KCNH8: variants seen among roughly 807,000 people sequenced by gnomAD.
KCNH8 encodes the protein voltage-gated delayed rectifier potassium channel KCNH8.
A neutral mutation model predicts 103.6 loss-of-function variants in KCNH8; 70 were observed. The observed-to-expected ratio is 0.68, with a 90% CI of 0.56 to 0.82. The LOEUF (loss-of-function observed/expected upper bound fraction) is 0.82. Among genes scored for constraint, KCNH8 ranks in the 40% least tolerant of loss-of-function variants. The pLI, the probability that KCNH8 is intolerant of heterozygous loss-of-function variation, is 0.00. For synonymous variants in KCNH8, 498 were observed against 489.4 expected, an observed-to-expected ratio of 1.02 and a Z score of -0.23; for missense variants, 1,217 against 1,329.9, an observed-to-expected ratio of 0.92 and a Z score of 1.32.
intron 7 of KCNH8, among the ~76,000 whole-genome samples, chr3:19,398,523 A>ATCTTTAAAGACTGTGCTAAGCTTT (rs2066559318): frequency 6.6e-6 from 1 of 151,972 alleles, no homozygotes; most frequent in African/African-American, 2.4e-5. Context: ...TAGATACCAG[A>ATCTTTAAAGACTGTGCTAAGCTTT]TCTTTAAAGA....
intron 10 of KCNH8, among the ~76,000 whole-genome samples, chr3:19,453,597 A>G (rs1364519374): frequency 6.6e-6 from 1 of 152,134 alleles, no homozygotes; most frequent in East Asian, 1.9e-4. Flanking sequence ...CTAATCCCCA[A>G]TATGATGGCA....
chr3:19,205,479 A>G (rs779125748), intron 1 of KCNH8, among the ~76,000 whole-genome samples: 6 of 152,082 alleles, frequency 3.9e-5, no homozygotes, highest in Non-Finnish European at 7.4e-5. Flanking sequence ...TTTATTGAAT[A>G]CTTATAAGCC....
intron 13 of KCNH8, among the ~76,000 whole-genome samples, chr3:19,513,528 A>T (rs1430966494): frequency 1.3e-5 from 2 of 152,116 alleles, no homozygotes. Flanking sequence ...ATGTTCTCAA[A>T]ATACTAAATG....
chr3:19,155,454 A>G (rs1052927044), intron 1 of KCNH8, among the ~76,000 whole-genome samples: 1 of 151,974 alleles, frequency 6.6e-6, no homozygotes, highest in Admixed American at 6.6e-5. Flanking sequence ...TTCAGTTTCC[A>G]TTGTTCCCAG....
chr3:19,178,346 C>T lies in KCNH8; in HGVS notation c.76+29551C>T, dbSNP rs188902117. ...CTTTCAGTCTCTTAATCTTTAGGTC[C>T]TAACTCAGTGCTGAAAACATAAGTT... On this transcript the variant is annotated intron_variant, in intron 1 of 15. Transcript: ENST00000328405. Among the ~76,000 whole-genome samples the T allele has an allele frequency of 5.7e-3, 868 of 152,078 alleles. 12 individuals carry two copies. Among genetic ancestry groups the T allele is most frequent in the African/African-American group, 0.019 (782 of 41,498 alleles).
chr3:19,390,891 A>G (rs868766631), intron 6 of KCNH8, among the ~76,000 whole-genome samples: 20 of 152,268 alleles, frequency 1.3e-4, no homozygotes, highest in African/African-American at 4.1e-4. Context: ...ATTTATCATA[A>G]ATACTGACCC....
At chr3:19,166,619 C>T (rs1363517851) in intron 1 of KCNH8, among the ~76,000 whole-genome samples, 1 of 152,068 alleles carries the variant, frequency 6.6e-6, no homozygotes, top group Non-Finnish European at 1.5e-5. Flanking sequence ...AAGTGAAGAA[C>T]TTTTCTAGTT....
At chr3:19,476,652 G>A (rs558307516) in intron 11 of KCNH8, among the ~76,000 whole-genome samples, 2 of 152,090 alleles carry the variant, frequency 1.3e-5, no homozygotes, top group African/African-American at 2.4e-5. Flanking sequence ...ATTGATTTGG[G>A]GCATAGCTTC....
intron 3 of KCNH8, among the ~76,000 whole-genome samples, chr3:19,334,976 C>A (rs957763933): frequency 6.6e-6 from 1 of 151,762 alleles, no homozygotes; most frequent in African/African-American, 2.4e-5. Context: ...GCTAATCAGG[C>A]ATTCTTTCTT....
chr3:19,499,538 C>A (rs1005299463), intron 11 of KCNH8, among the ~76,000 whole-genome samples: 1 of 152,106 alleles, frequency 6.6e-6, no homozygotes, highest in African/African-American at 2.4e-5. Context: ...GGCAGCCAGA[C>A]AGAAAGGTCG....
At chr3:19,386,515 A>T (rs1460006181) in intron 5 of KCNH8, among the ~76,000 whole-genome samples, 1 of 152,136 alleles carries the variant, frequency 6.6e-6, no homozygotes, top group Non-Finnish European at 1.5e-5. Context: ...ACATGGAGAC[A>T]TTAAGCTTTC....
chr3:19,315,011 C>T (rs2065255222), intron 3 of KCNH8: 1 of 152,570 alleles, frequency 6.6e-6, no homozygotes, highest in African/African-American at 2.4e-5. Context: ...TATCAGGTCA[C>T]AGGAACTTCT....
intron 5 of KCNH8, among the ~76,000 whole-genome samples, chr3:19,380,205 A>G (rs1171388626): frequency 6.6e-6 from 1 of 152,216 alleles, no homozygotes; most frequent in African/African-American, 2.4e-5. Flanking sequence ...TCCTGAAATT[A>G]TATAGAATAA....
chr3:19,462,361 G>A (rs947095208), intron 11 of KCNH8, among the ~76,000 whole-genome samples: 4 of 152,162 alleles, frequency 2.6e-5, no homozygotes, highest in African/African-American at 9.7e-5. Flanking sequence ...GTATCTCATT[G>A]TGGTTTTGAT....
At chr3:19,182,328 A>G (rs1009848549) in intron 1 of KCNH8, among the ~76,000 whole-genome samples, 2 of 152,076 alleles carry the variant, frequency 1.3e-5, no homozygotes, top group Non-Finnish European at 2.9e-5. Context: ...GGAGATTGAG[A>G]CCATCCTGGC....
In KCNH8 at chr3:19,460,538, G is replaced by A. The variant is rs138985545; in HGVS notation, c.2040+3556G>A. Among the ~76,000 whole-genome samples the A allele has an allele frequency of 8.9e-4, 135 of 152,172 alleles. 1 individual carries two copies. The East Asian group carries it at 0.012, about 14-fold the overall frequency. ...TCTGTCTCCTTAGTTGGTAAGGATG[G>A]TCCTTTCTCATCTCTTCTATTCTAT... On this transcript the variant is annotated intron_variant, in intron 11 of 15. Coordinates refer to ENST00000328405, the MANE Select transcript of KCNH8 (RefSeq NM_144633.3).
At chr3:19,167,226 T>A (rs2063294041) in intron 1 of KCNH8, among the ~76,000 whole-genome samples, 1 of 152,204 alleles carries the variant, frequency 6.6e-6, no homozygotes, top group Non-Finnish European at 1.5e-5. Context: ...CAGACCTGTG[T>A]TTTAAGTTGT....
chr3:19,217,025 A>G (rs947002861), intron 1 of KCNH8, among the ~76,000 whole-genome samples: 143 of 152,326 alleles, frequency 9.4e-4, no homozygotes, highest in African/African-American at 3.3e-3. Context: ...TCATTTCTTC[A>G]TCTTTCTGTA....
At chr3:19,306,623 T>G (rs1028231715) in intron 3 of KCNH8, among the ~76,000 whole-genome samples, 4 of 152,060 alleles carry the variant, frequency 2.6e-5, no homozygotes, top group African/African-American at 9.7e-5. Flanking sequence ...AAACAATTCT[T>G]TCTAAAGAAT....
Sources: gnomAD v4.1 joint callset for allele counts (sites outside exome capture counted in the v4.1 genomes callset) on GRCh38, gnomAD v4.1.1 for gene constraint, MANE v1.5 for transcripts, NCBI Gene and HGNC (gene_info 2026-07-23, HGNC 2026-07-21) for gene names.